Variants in ZER1 observed in about 807,000 individuals in gnomAD.
ZER1 encodes the protein zyg-11 related cell cycle regulator, also known as protein zer-1 homolog.
ZER1 carries 11 observed loss-of-function variants against 78.8 expected under a neutral mutation model. The observed-to-expected ratio is 0.14, with a 90% CI of 0.09 to 0.23. The LOEUF is 0.23. Ranked by LOEUF, ZER1 falls within the 10% of genes least tolerant of loss-of-function variation. ZER1 has a pLI of 1.00. For missense variants in ZER1, 588 were observed against 996.9 expected (o/e 0.59, Z 5.52); for synonymous variants, 400 against 407.0 (o/e 0.98, Z 0.21).
chr9:128,762,014 A>G (rs547763757), intron 1 of ZER1, among the ~76,000 whole-genome samples: 1 of 152,200 alleles, frequency 6.6e-6, no homozygotes, highest in Admixed American at 6.6e-5. Context: ...AAGCTTGTCC[A>G]ACCTGTGGTC....
rs768739534 is a variant in ZER1, at chr9:128,741,544, G to A, written c.1728C>T (p.Asp576=). Reference sequence around the variant, plus strand: ...AGGAGGTGGACACTACCTTCAGGCAGTCCAGGAAGAGCTTCATGCCGTTGA... The same window carrying A: ...AGGAGGTGGACACTACCTTCAGGCAATCCAGGAAGAGCTTCATGCCGTTGA... The part of the protein sequence containing the change: ...LNFNGMKLFL[D]CLKEFPEKQE... The change falls in exon 11 of 16, where the codon GAC becomes GAT. Residue 576 remains aspartate, a synonymous_variant. Coordinates refer to ENST00000291900, the MANE Select transcript of ZER1 (RefSeq NM_006336.4). 1 of 1,614,168 alleles carries A rather than the reference G, an allele frequency of 6.2e-7. No individual in the cohort carries two copies.
chr9:128,741,174 A>G (rs948961533), intron 11 of ZER1, among the ~76,000 whole-genome samples: 2 of 152,146 alleles, frequency 1.3e-5, no homozygotes, highest in Non-Finnish European at 2.9e-5. Flanking sequence ...AGTTTAAGGG[A>G]CCCTCCTAGA....
Position 128,751,998 on chromosome 9 carries a change from T to C in ZER1, c.924-471A>G, listed in dbSNP as rs1863694595. Among the ~76,000 whole-genome samples, 1 of 152,210 alleles carries C rather than the reference T, an allele frequency of 6.6e-6. No homozygotes were observed. The highest frequency in any genetic ancestry group is 6.5e-5 in the Admixed American group (1 of 15,284). ...GCCTCTTCCCCCCATGGCACTGTGC[T>C]CTGGTCAGGCTGAGTGTTGGGTAGT... On this transcript the variant is annotated intron_variant, in intron 5 of 15. Coordinates refer to ENST00000291900, the MANE Select transcript of ZER1 (RefSeq NM_006336.4). This position sits in a 1 kb window ranked among gnomAD's most constrained non-coding sequence, Gnocchi z 5.4.
chr9:128,756,167 G>C (rs1478210288), intron 1 of ZER1, among the ~76,000 whole-genome samples: 1 of 152,214 alleles, frequency 6.6e-6, no homozygotes, highest in Non-Finnish European at 1.5e-5. Flanking sequence ...CTCAGACGTG[G>C]CCGAGCACGG....
At chr9:128,731,437 T>TGGGGGGGGTGGGTTGGGGG in intron 15 of ZER1, 43 bp from the exon 16 acceptor site, 2 of 451,612 alleles carry the variant, frequency 4.4e-6, no homozygotes, top group Admixed American at 2.9e-5. Flanking sequence ...TGGGCTTGGG[T>TGGGGGGGGTGGGTTGGGGG]GGGGGTGAGC....
In ZER1 at chr9:128,740,327, C is replaced by T. The variant is rs1863246223; in HGVS notation, c.1854-208G>A. ...GGGCGCAGTGGCTCACGCCTGTAAT[C>T]CCAGCACTTTGGGAGGTCAAGGCAG... On this transcript the variant is annotated intron_variant, in intron 12 of 15. Transcript: ENST00000291900. This position sits in a 1 kb window ranked among gnomAD's most constrained non-coding sequence, Gnocchi z 4.4. 6.6e-6 allele frequency among the ~76,000 whole-genome samples: 1 copy of T among 152,146 alleles called. No homozygotes were observed. Among genetic ancestry groups the T allele is most frequent in the Admixed American group, 6.5e-5 (1 of 15,272 alleles).
intron 1 of ZER1, among the ~76,000 whole-genome samples, chr9:128,770,178 A>G (rs1446136383): frequency 1.3e-5 from 2 of 151,982 alleles, no homozygotes; most frequent in Non-Finnish European, 2.9e-5. Context: ...GCTGGAATGC[A>G]ATGGGCACAA....
intron 1 of ZER1, among the ~76,000 whole-genome samples, chr9:128,765,771 G>A (rs530637430): frequency 6.6e-6 from 1 of 152,344 alleles, no homozygotes; most frequent in African/African-American, 2.4e-5. Flanking sequence ...TGTGAGGGGA[G>A]TCACAGCAAG....
chr9:128,767,091 C>T (rs1253907830), intron 1 of ZER1, among the ~76,000 whole-genome samples: 10 of 150,590 alleles, frequency 6.6e-5, no homozygotes, highest in African/African-American at 1.2e-4. Context: ...TACAGGTGCC[C>T]GCCACCATGC....
At chr9:128,738,504 G>C (rs1237540956) in intron 13 of ZER1, among the ~76,000 whole-genome samples, 1 of 147,012 alleles carries the variant, frequency 6.8e-6, no homozygotes, top group African/African-American at 2.5e-5. Flanking sequence ...TCCTGCCTCA[G>C]CCTCCCGAGT....
In ZER1 at chr9:128,754,114, C is replaced by A. The variant is rs1863781428; in HGVS notation, c.159-155G>T. On this transcript the variant is annotated intron_variant, in intron 2 of 15. Transcript: ENST00000291900. The surrounding 1 kb of genome is among the most constrained non-coding windows in gnomAD (Gnocchi z 4.3). ...TCTGGTCAGATCCTGACTAAACTAC[C>A]AGTAAGATTAAGGGTGCCCAGGAAC... is the stretch of plus-strand genomic sequence containing the variant. Among the ~76,000 whole-genome samples, 1 of 152,142 alleles carries A rather than the reference C, an allele frequency of 6.6e-6. No individual in the cohort carries two copies. Among genetic ancestry groups the A allele is most frequent in the African/African-American group, 2.4e-5 (1 of 41,426 alleles).
chr9:128,740,131 AAGAC>A lies in ZER1; in HGVS notation c.1854-16_1854-13del, dbSNP rs767912421. The A allele has an allele frequency of 2.5e-6, 4 of 1,580,378 alleles. No individual in the cohort carries two copies. The highest frequency in any genetic ancestry group is 2.7e-5 in the African/African-American group (2 of 74,104). On this transcript the variant is annotated splice_polypyrimidine_tract_variant and intron_variant, in intron 12 of 15. Coordinates refer to ENST00000291900, the MANE Select transcript of ZER1 (RefSeq NM_006336.4). The surrounding 1 kb of genome is among the most constrained non-coding windows in gnomAD (Gnocchi z 4.4). ...TCTCCAACAGGTTGCTGCCAGGAGA[AAGAC>A]AGAAAAATGGAGTCCCACTCCCCCA...
At position 128,740,579 on chromosome 9, in the gene ZER1, CAAA is replaced by C. The variant is rs111851383; in HGVS notation, c.1853+190_1853+192del. On this transcript the variant is annotated intron_variant, in intron 12 of 15. Coordinates refer to ENST00000291900, the MANE Select transcript of ZER1 (RefSeq NM_006336.4). This position sits in a 1 kb window ranked among gnomAD's most constrained non-coding sequence, Gnocchi z 4.4. ...TGGGTGACAGAGCAAGACTCCATCT[CAAA>C]AAAAAAAAAAAAGATATAATTACAA... Among the ~76,000 whole-genome samples, 4 of 103,862 alleles carry C rather than the reference CAAA, an allele frequency of 3.9e-5. No individual in the cohort carries two copies. Among genetic ancestry groups the C allele is most frequent in the Non-Finnish European group, 4.1e-5 (2 of 48,270 alleles). The allele number at this position is 103,862 out of a possible 152,430, so 68.1% of individuals were successfully genotyped here. A position where few individuals can be genotyped will look rare whatever the true frequency, so the allele number is the denominator to read the frequency against.
rs750990252 is a variant in ZER1 at position 128,753,881 on chromosome 9, G to A, written c.237C>T (p.Ser79=). 2.5e-6 allele frequency: 4 copies of A among 1,601,664 alleles called. No individual in the cohort carries two copies. Among genetic ancestry groups the A allele is most frequent in the Non-Finnish European group, 3.4e-6 (4 of 1,174,644 alleles). The change falls in exon 3 of 16, where the codon AGC becomes AGT. Residue 79 remains serine (S), a synonymous_variant. Transcript: ENST00000291900. The surrounding 1 kb of genome is among the most constrained non-coding windows in gnomAD (Gnocchi z 7.5). ...SFFSLFSDPR[S]TRLTRIHLRE... ...GGAGGTGGATCCGCGTGAGGCGGGT[G>A]CTGCGGGGGTCCGAAAAGAGGCTGA...
intron 8 of ZER1, among the ~76,000 whole-genome samples, chr9:128,744,360 T>C (rs1863414554): frequency 6.6e-6 from 1 of 151,240 alleles, no homozygotes; most frequent in Non-Finnish European, 1.5e-5. Flanking sequence ...CCCAGCTAAT[T>C]TTTTTGTATT....
Position 128,767,212 on chromosome 9 carries a change from G to A in ZER1, c.-95+4369C>T, listed in dbSNP as rs1021357291. On this transcript the variant is annotated intron_variant, in intron 1 of 15. Transcript: ENST00000291900. Reference sequence around the variant, plus strand: ...CCTGCCTCGGCCTCCCAAAGTGCTGGGATTACAGGTGTGAGCCACTGCGGT... The same window carrying A: ...CCTGCCTCGGCCTCCCAAAGTGCTGAGATTACAGGTGTGAGCCACTGCGGT... Among the ~76,000 whole-genome samples, 4 of 151,794 alleles carry A rather than the reference G, an allele frequency of 2.6e-5. No homozygotes were observed. In the East Asian group the frequency reaches 7.8e-4, roughly 30 times the overall value.
chr9:128,750,891 T>C (rs1589532165), intron 7 of ZER1, 102 bp from the exon 8 acceptor site: 1 of 1,525,330 alleles, frequency 6.6e-7, no homozygotes, highest in Non-Finnish European at 8.9e-7. Flanking sequence ...TAGCCTGGTC[T>C]TGCTCTCTAA....
intron 14 of ZER1, among the ~76,000 whole-genome samples, chr9:128,734,074 G>GC: frequency 1.1e-5 from 1 of 93,778 alleles, no homozygotes; most frequent in Non-Finnish European, 2.1e-5. Flanking sequence ...CTTGCAGTGA[G>GC]TCGAGATCGC....
At chr9:128,769,649 G>C (rs1268081338) in intron 1 of ZER1, among the ~76,000 whole-genome samples, 1 of 151,976 alleles carries the variant, frequency 6.6e-6, no homozygotes, top group Non-Finnish European at 1.5e-5. Flanking sequence ...CCTGACCTCA[G>C]GTGATCCACC....
Sources: gnomAD v4.1 joint callset for allele counts (sites outside exome capture counted in the v4.1 genomes callset) on GRCh38, gnomAD v4.1.1 for gene constraint, Gnocchi (gnomAD v3.1) non-coding constraint, MANE v1.5 for transcripts, NCBI Gene and HGNC (gene_info 2026-07-23, HGNC 2026-07-21) for gene names.